Variants in GPM6B observed in about 807,000 individuals in gnomAD.
GPM6B encodes the protein neuronal membrane glycoprotein M6-b.
In GPM6B, 4 loss-of-function variants were observed where a neutral mutation model predicts 27.2. That is an observed-to-expected ratio of 0.15 (90% CI 0.07 to 0.34). The LOEUF is 0.34. GPM6B is among the 10% of genes least tolerant of loss of function. GPM6B has a pLI of 1.00. For synonymous variants in GPM6B, 124 were observed against 103.1 expected, an observed-to-expected ratio of 1.20 and a Z score of -1.23; for missense variants, 183 against 261.9, an observed-to-expected ratio of 0.70 and a Z score of 2.08.
chrX:13,782,757 C>CAAAAAAAAAAAAAA (rs36124855), intron 4 of GPM6B, among the ~76,000 whole-genome samples: 4 of 31,155 alleles, frequency 1.3e-4, no homozygotes, highest in East Asian at 2.4e-3. Context: ...TGCTCCGTCT[C>CAAAAAAAAAAAAAA]AAAAAAAAAA....
chrX:13,870,970 T>C (rs1230207322), intron 1 of GPM6B, among the ~76,000 whole-genome samples: 1 of 109,783 alleles, frequency 9.1e-6, no homozygotes, highest in Non-Finnish European at 1.9e-5. Context: ...ACTTGGGAGG[T>C]TGAAGTAGAT....
At chrX:13,914,191 T>C (rs1481484192) in intron 1 of GPM6B, among the ~76,000 whole-genome samples, 4 of 112,499 alleles carry the variant, frequency 3.6e-5, no homozygotes, top group African/African-American at 1.3e-4. Context: ...ACATCTGAGA[T>C]TTTTAAAAAA....
intron 1 of GPM6B, among the ~76,000 whole-genome samples, chrX:13,863,794 G>A (rs2049878968): frequency 8.9e-6 from 1 of 112,306 alleles, no homozygotes; most frequent in Admixed American, 9.4e-5. Flanking sequence ...CATTTTGAAA[G>A]GAAAGGTCTT....
chrX:13,842,707 C>T (rs909080841), intron 1 of GPM6B, among the ~76,000 whole-genome samples: 1 of 110,020 alleles, frequency 9.1e-6, no homozygotes, highest in Non-Finnish European at 1.9e-5. Flanking sequence ...AGTGAGGCCC[C>T]CATGTCTACA....
At chrX:13,904,630 T>G (rs939995543) in intron 1 of GPM6B, among the ~76,000 whole-genome samples, 7 of 111,391 alleles carry the variant, frequency 6.3e-5, no homozygotes, top group African/African-American at 2.3e-4. Flanking sequence ...CACCGTTTAC[T>G]TGCAACAGAT....
Position 13,828,702 on chromosome X carries a change from C to T in GPM6B, c.-197-42894G>A, listed in dbSNP as rs767154278. Among the ~76,000 whole-genome samples, 67 of 111,360 alleles carry T rather than the reference C, an allele frequency of 6.0e-4. 1 individual carries two copies. Among genetic ancestry groups the T allele is most frequent in the Non-Finnish European group, 9.6e-4 (51 of 53,077 alleles). ...CATGGACTGGGCTCAACGCTGTGTC[C>T]AGAGGACCCACTGCACCCACATGAG... is the stretch of plus-strand genomic sequence containing the variant. On this transcript the variant is annotated intron_variant, in intron 1 of 6. Transcript: ENST00000398361.
chrX:13,875,902 G>T (rs965636173), intron 1 of GPM6B, among the ~76,000 whole-genome samples: 1 of 111,570 alleles, frequency 9.0e-6, no homozygotes, highest in African/African-American at 3.3e-5. Context: ...AATGGTATAG[G>T]GTTTTCTTTG....
intron 1 of GPM6B, among the ~76,000 whole-genome samples, chrX:13,916,203 C>T (rs1252090006): frequency 2.7e-5 from 3 of 111,717 alleles, no homozygotes; most frequent in Non-Finnish European, 5.6e-5. Context: ...CACAGAAATA[C>T]ACACACACTC....
At chrX:13,817,256 A>G, upstream of GPM6B, 1 of 822,199 alleles carries the variant, frequency 1.2e-6, no homozygotes, top group Non-Finnish European at 1.5e-6. Flanking sequence ...CCTGCTCCCC[A>G]CCGGGCTCTT....
intron 1 of GPM6B, among the ~76,000 whole-genome samples, chrX:13,925,629 T>G (rs1207663290): frequency 9.1e-6 from 1 of 109,784 alleles, no homozygotes; most frequent in Non-Finnish European, 1.9e-5. Flanking sequence ...ACAAAAACTA[T>G]GAGGGACCTT....
intron 1 of GPM6B, among the ~76,000 whole-genome samples, chrX:13,845,630 A>C (rs780910514): frequency 2.2e-4 from 25 of 111,168 alleles, no homozygotes; most frequent in Non-Finnish European, 3.8e-4. Flanking sequence ...GGTTTGTTTC[A>C]ATCTTTAGCA....
chrX:13,822,398 C>T (rs764149200), intron 1 of GPM6B, among the ~76,000 whole-genome samples: 12 of 109,506 alleles, frequency 1.1e-4, no homozygotes, highest in Non-Finnish European at 1.5e-4. Flanking sequence ...CGGAGTCTCG[C>T]GCTGTTGCCC....
At chrX:13,892,671 C>T (rs929808328) in intron 1 of GPM6B, among the ~76,000 whole-genome samples, 1 of 112,242 alleles carries the variant, frequency 8.9e-6, no homozygotes, top group Non-Finnish European at 1.9e-5. Context: ...GCTGGGACTA[C>T]AGGCACATGC....
chrX:13,887,221 T>C lies in GPM6B; in HGVS notation c.-198+51106A>G, dbSNP rs971168555. ...CCCTGCTGGTAACAATGACAAAAGA[T>C]AACCTCAAATGATGAGGACTAAAGA... On this transcript the variant is annotated intron_variant, in intron 1 of 6. Transcript: ENST00000398361. 2.7e-5 allele frequency among the ~76,000 whole-genome samples: 3 copies of C among 112,653 alleles called. No individual in the cohort carries two copies. In the Admixed American group the frequency reaches 2.8e-4, roughly 11 times the overall value.
At chrX:13,826,997 C>T (rs983279685) in intron 1 of GPM6B, among the ~76,000 whole-genome samples, 6 of 110,282 alleles carry the variant, frequency 5.4e-5, no homozygotes, top group Non-Finnish European at 1.1e-4. Flanking sequence ...GCTGTTTAAC[C>T]GCCGTTATTG....
intron 1 of GPM6B, among the ~76,000 whole-genome samples, chrX:13,921,505 C>T (rs1920972592): frequency 9.0e-6 from 1 of 110,760 alleles, no homozygotes; most frequent in East Asian, 2.8e-4. Context: ...GTGACTGCTC[C>T]TGTAGAGCAA....
chrX:13,771,832 GAAAAAAATGAAATACCAACCC>G lies in GPM6B; in HGVS notation c.*1028_*1048del, dbSNP rs1302161967. 3 of 111,862 alleles carry G rather than the reference GAAAAAAATGAAATACCAACCC, an allele frequency of 2.7e-5. No homozygotes were observed. Among genetic ancestry groups the G allele is most frequent in the African/African-American group, 6.5e-5 (2 of 30,714 alleles). 9.2% of individuals were successfully genotyped at this position (111,862 alleles called of 1,213,427 possible). ...TTCCAGGAAACTAAGATTTAGATAA[GAAAAAAATGAAATACCAACCC>G]TAATTTAAATTACTTAAGTATTCAA... On this transcript the variant is annotated 3_prime_UTR_variant, in exon 8 of 8. Coordinates refer to ENST00000316715, the MANE Select transcript of GPM6B (RefSeq NM_001001995.3).
intron 1 of GPM6B, among the ~76,000 whole-genome samples, chrX:13,923,367 A>C (rs1193209836): frequency 8.9e-6 from 1 of 111,904 alleles, no homozygotes; most frequent in East Asian, 2.8e-4. Context: ...GAGAATCTAC[A>C]TTTGTGATTT....
chrX:13,851,655 T>C (rs2147241997), intron 1 of GPM6B, among the ~76,000 whole-genome samples: 1 of 105,913 alleles, frequency 9.4e-6, no homozygotes, highest in African/African-American at 3.4e-5. Flanking sequence ...AAAAACCAGC[T>C]GAAATCGAGG....
Sources: allele counts gnomAD v4.1 joint callset (sites outside exome capture counted in the v4.1 genomes callset), GRCh38; gene constraint gnomAD v4.1.1; transcripts MANE v1.5; gene names NCBI Gene and HGNC (gene_info 2026-07-23, HGNC 2026-07-21).